SPOP: variants seen among roughly 807,000 people sequenced by gnomAD.
The protein encoded by SPOP is speckle type BTB/POZ protein, also known as speckle-type POZ protein.
In SPOP, 11 loss-of-function variants were observed where a neutral mutation model predicts 45.6. The ratio of observed to expected loss-of-function variants is 0.24; its 90% confidence interval spans 0.15 to 0.40. The LOEUF (loss-of-function observed/expected upper bound fraction) is 0.40. Ranked by LOEUF, SPOP falls within the 10% of genes least tolerant of loss-of-function variation. The pLI, the probability that SPOP is intolerant of heterozygous loss-of-function variation, is 1.00. For synonymous variants in SPOP, 166 were observed against 166.3 expected, an observed-to-expected ratio of 1.00 and a Z score of 0.01; for missense variants, 152 against 465.6, an observed-to-expected ratio of 0.33 and a Z score of 6.20.
In SPOP at chr17:49,600,811, C is replaced by T. The variant is rs576772408; in HGVS notation, c.981-289G>A. ...CACTGCCTATGTTCCTTATATTCACCGGTGATGCTAGTCATAAAAAGGAGC... is the reference window on the plus strand; with the variant it reads ...CACTGCCTATGTTCCTTATATTCACTGGTGATGCTAGTCATAAAAAGGAGC... On this transcript the variant is annotated intron_variant, in intron 9 of 9. Coordinates refer to ENST00000504102, the MANE Select transcript of SPOP (RefSeq NM_001007228.2). The surrounding 1 kb of genome is among the most constrained non-coding windows in gnomAD (Gnocchi z 4.2). 4.7e-5 allele frequency: 15 copies of T among 319,846 alleles called. No individual in the cohort carries two copies. Among genetic ancestry groups the T allele is most frequent in the African/African-American group, 2.7e-4 (13 of 48,132 alleles). The allele number at this position is 319,846 out of a possible 1,614,324, so 19.8% of individuals were successfully genotyped here. A position where few individuals can be genotyped will look rare whatever the true frequency, so the allele number is the denominator to read the frequency against.
At chr17:49,667,997 A>G (rs2073085269) in intron 1 of SPOP, 2 of 152,186 alleles carry the variant, frequency 1.3e-5, no homozygotes. Flanking sequence ...AAATAGACAA[A>G]CTCTGTATAA....
rs567224299 is a variant in SPOP at position 49,673,457 on chromosome 17, G to A, written c.-67+4476C>T. Among the ~76,000 whole-genome samples the A allele has an allele frequency of 7.9e-5, 12 of 152,188 alleles. No individual in the cohort carries two copies. The South Asian group carries it at 2.1e-3, about 26-fold the overall frequency. ...GGAGGCGGAGCTTGCAGTGAGCCAA[G>A]ATCGCGCCACTGCACTCCAGCCTGG... On this transcript the variant is annotated intron_variant, in intron 1 of 9. Transcript: ENST00000504102.
At chr17:49,668,184 A>C (rs558286505) in intron 1 of SPOP, 61 of 152,220 alleles carry the variant, frequency 4.0e-4, no homozygotes, top group Non-Finnish European at 8.1e-4. Flanking sequence ...AATATACTAA[A>C]CACCACTAAC....
At chr17:49,622,957 G>T in intron 1 of SPOP, 81 bp from the exon 2 acceptor site, 1 of 641,904 alleles carries the variant, frequency 1.6e-6, no homozygotes, top group Admixed American at 3.0e-5. Flanking sequence ...GATAGAGGCT[G>T]GAAATTTTGT....
intron 8 of SPOP, among the ~76,000 whole-genome samples, chr17:49,605,502 C>A (rs909961839): frequency 1.3e-5 from 2 of 151,766 alleles, no homozygotes; most frequent in African/African-American, 4.8e-5. Flanking sequence ...GCAGCCTGGC[C>A]AACATGGTGA....
intron 5 of SPOP, among the ~76,000 whole-genome samples, chr17:49,613,657 A>G (rs1252283589): frequency 6.6e-6 from 1 of 152,204 alleles, no homozygotes; most frequent in Non-Finnish European, 1.5e-5. Context: ...TTATTGTCTG[A>G]GCCAGGCTTG....
At chr17:49,620,665 G>A (rs2072204442) in intron 3 of SPOP, 2 of 154,112 alleles carry the variant, frequency 1.3e-5, no homozygotes, top group Admixed American at 1.3e-4. Flanking sequence ...TGTTAGAGAT[G>A]CCAATCTGTT....
At chr17:49,677,227 T>C (rs1438698474) in intron 1 of SPOP, among the ~76,000 whole-genome samples, 1 of 152,090 alleles carries the variant, frequency 6.6e-6, no homozygotes, top group Non-Finnish European at 1.5e-5. Context: ...CTCCTAAATT[T>C]AGGGTAAGTT....
chr17:49,670,558 A>G (rs542440082), intron 1 of SPOP, among the ~76,000 whole-genome samples: 1 of 152,340 alleles, frequency 6.6e-6, no homozygotes, highest in East Asian at 1.9e-4. Context: ...ATACCACTAC[A>G]TTGTAGGAGT....
At position 49,678,029 on chromosome 17, in the gene SPOP, TACAC is replaced by T. The variant is rs1343720566; in HGVS notation, c.-167_-164del. The T allele has an allele frequency of 2.0e-5, 8 of 398,684 alleles. No homozygotes were observed. Among genetic ancestry groups the T allele is most frequent in the East Asian group, 3.6e-5 (1 of 28,048 alleles). 24.7% of individuals were successfully genotyped at this position (398,684 alleles called of 1,614,324 possible). On this transcript the variant is annotated 5_prime_UTR_variant, in exon 1 of 10. It introduces an in-frame stop codon into an upstream open reading frame of the 5' UTR. Coordinates refer to ENST00000504102, the MANE Select transcript of SPOP (RefSeq NM_001007228.2). ...ACCTGCGGGACCGCCGATACACAAA[TACAC>T]ACACACTCGGAGCGCGCACACTCAC...
intron 1 of SPOP, among the ~76,000 whole-genome samples, chr17:49,660,575 T>A (rs2072973926): frequency 6.6e-6 from 1 of 152,238 alleles, no homozygotes; most frequent in African/African-American, 2.4e-5. Flanking sequence ...TAGAATAGCA[T>A]CTGGCACATA....
chr17:49,620,189 AAAAAG>A (rs1464612920), intron 3 of SPOP, among the ~76,000 whole-genome samples: 1 of 151,564 alleles, frequency 6.6e-6, no homozygotes, highest in Non-Finnish European at 1.5e-5. Context: ...AAAAGAAAAA[AAAAAG>A]AAATGTGTGG....
Position 49,611,266 on chromosome 17 carries a change from G to T in SPOP, c.658+14C>A. 6.2e-7 allele frequency: 1 copy of T among 1,606,474 alleles called. No homozygotes were observed. On this transcript the variant is annotated intron_variant, in intron 6 of 9. Transcript: ENST00000504102. ...TCACCAAAACTATAAAATTCCTCATGAATAAATACCAACCTGCTAAGATAG... is the reference window on the plus strand; with the variant it reads ...TCACCAAAACTATAAAATTCCTCATTAATAAATACCAACCTGCTAAGATAG...
intron 1 of SPOP, among the ~76,000 whole-genome samples, chr17:49,657,700 T>C (rs892427402): frequency 2.4e-5 from 3 of 127,108 alleles, no homozygotes; most frequent in African/African-American, 9.1e-5. Flanking sequence ...CCCGGCCTTT[T>C]TTTTTTTTTT....
Position 49,622,851 on chromosome 17 carries a change from G to T in SPOP, c.-41C>A. 1.3e-6 allele frequency: 2 copies of T among 1,547,144 alleles called. No individual in the cohort carries two copies. Among genetic ancestry groups the T allele is most frequent in the Non-Finnish European group, 1.8e-6 (2 of 1,119,076 alleles). The stretch of plus-strand genomic sequence containing the variant: ...TAAACGAGATTTCCAAAGTCAGGGG[G>T]CAAAGATTTCTGTTCCCTCTTCACC... On this transcript the variant is annotated 5_prime_UTR_variant, in exon 2 of 10. Coordinates refer to ENST00000504102, the MANE Select transcript of SPOP (RefSeq NM_001007228.2).
chr17:49,622,219 T>G (rs1567779913), intron 2 of SPOP, 152 bp from the exon 3 acceptor site: 1 of 971,506 alleles, frequency 1.0e-6, no homozygotes, highest in African/African-American at 1.6e-5. Context: ...ATGTTCCTCA[T>G]CCACATTTTA....
intron 1 of SPOP, among the ~76,000 whole-genome samples, chr17:49,635,404 T>C (rs2072522923): frequency 6.6e-6 from 1 of 152,162 alleles, no homozygotes; most frequent in African/African-American, 2.4e-5. Context: ...AACACCTATT[T>C]AACCCAACAT....
At chr17:49,651,736 A>G (rs1314330948) in intron 1 of SPOP, among the ~76,000 whole-genome samples, 1 of 152,190 alleles carries the variant, frequency 6.6e-6, no homozygotes, top group Non-Finnish European at 1.5e-5. Context: ...TTGGAAGAAT[A>G]GGCCCAACAC....
At chr17:49,634,248 A>G (rs1179164814) in intron 1 of SPOP, among the ~76,000 whole-genome samples, 1 of 152,210 alleles carries the variant, frequency 6.6e-6, no homozygotes, top group Non-Finnish European at 1.5e-5. Flanking sequence ...ACAAATTAGA[A>G]TCATGTGTTG....
Sources: allele counts gnomAD v4.1 joint callset (sites outside exome capture counted in the v4.1 genomes callset), GRCh38; gene constraint gnomAD v4.1.1; non-coding constraint Gnocchi (gnomAD v3.1); transcripts MANE v1.5; gene names NCBI Gene and HGNC (gene_info 2026-07-23, HGNC 2026-07-21).